Variants in SRGAP1 observed in about 807,000 individuals in gnomAD.
The protein encoded by SRGAP1 is SLIT-ROBO Rho GTPase activating protein 1, also known as SLIT-ROBO Rho GTPase-activating protein 1.
SRGAP1 carries 43 observed loss-of-function variants against 121.9 expected under a neutral mutation model. That is an observed-to-expected ratio of 0.35 (90% CI 0.28 to 0.46). The LOEUF (loss-of-function observed/expected upper bound fraction) is 0.46, where lower values mean the gene tolerates loss of function less well. Ranked by LOEUF, SRGAP1 falls within the 20% of genes least tolerant of loss-of-function variation. The pLI, the probability that SRGAP1 is intolerant of heterozygous loss-of-function variation, is 1.00. For missense variants in SRGAP1, 1,102 were observed against 1,350.9 expected (o/e 0.82, Z 2.89); for synonymous variants, 447 against 485.4 (o/e 0.92, Z 1.04).
chr12:63,861,302 A>T (rs76184015), intron 1 of SRGAP1, among the ~76,000 whole-genome samples: 8,031 of 132,502 alleles, frequency 0.061, 301 homozygotes, highest in Non-Finnish European at 0.082. Context: ...ATATATATAT[A>T]TTTTTTTTTT....
chr12:63,998,659 T>C (rs535603970), intron 3 of SRGAP1, among the ~76,000 whole-genome samples: 1 of 152,272 alleles, frequency 6.6e-6, no homozygotes, highest in Admixed American at 6.5e-5. Flanking sequence ...CTTGAGATAT[T>C]TGGAAATCCA....
At chr12:63,929,758 A>G (rs2031401333) in intron 1 of SRGAP1, among the ~76,000 whole-genome samples, 1 of 152,220 alleles carries the variant, frequency 6.6e-6, no homozygotes, top group African/African-American at 2.4e-5. Context: ...TTTGTTTTAG[A>G]GTAAACTGTT....
At chr12:63,964,363 C>T (rs138941084) in intron 1 of SRGAP1, among the ~76,000 whole-genome samples, 319 of 152,184 alleles carry the variant, frequency 2.1e-3, no homozygotes, top group Non-Finnish European at 3.4e-3. Context: ...GTTTTTGAAG[C>T]CTTTTGTCAT....
chr12:64,145,782 A>G lies in SRGAP1; in HGVS notation c.*3110A>G, dbSNP rs1370995455. On this transcript the variant is annotated 3_prime_UTR_variant, in exon 22 of 22. Transcript: ENST00000355086. ...TTCTTTATAGCCACAGAGGCAGCAC[A>G]CAGGGGAGGTGGGAAGACACAGGGA... The G allele has an allele frequency of 6.6e-6, 1 of 152,288 alleles. No individual in the cohort carries two copies. The highest frequency in any genetic ancestry group is 1.9e-4 in the East Asian group (1 of 5,186). 9.4% of individuals were successfully genotyped at this position (152,288 alleles called of 1,614,324 possible). A position where few individuals can be genotyped will look rare whatever the true frequency, so the allele number is the denominator to read the frequency against.
intron 1 of SRGAP1, among the ~76,000 whole-genome samples, chr12:63,978,278 T>C (rs2033144440): frequency 6.6e-6 from 1 of 152,368 alleles, no homozygotes; most frequent in African/African-American, 2.4e-5. Context: ...GCTTTTGGCA[T>C]ATGCCAGGTT....
At chr12:64,002,796 C>T (rs2033942640) in intron 3 of SRGAP1, among the ~76,000 whole-genome samples, 1 of 152,004 alleles carries the variant, frequency 6.6e-6, no homozygotes, top group East Asian at 1.9e-4. Flanking sequence ...AGATTGATTT[C>T]CTGATAGAAT....
At chr12:64,077,554 C>G (rs2035760772) in intron 8 of SRGAP1, among the ~76,000 whole-genome samples, 3 of 151,054 alleles carry the variant, frequency 2.0e-5, no homozygotes, top group South Asian at 4.2e-4. Flanking sequence ...GTTCTAAACT[C>G]TTTACATTGT....
intron 1 of SRGAP1, among the ~76,000 whole-genome samples, chr12:63,967,010 T>G (rs776072859): frequency 2.6e-5 from 4 of 152,254 alleles, no homozygotes; most frequent in Non-Finnish European, 4.4e-5. Context: ...TTTTGATAGG[T>G]TGGCTTTATC....
chr12:63,988,857 C>G (rs1466074429), intron 2 of SRGAP1, among the ~76,000 whole-genome samples: 5 of 152,238 alleles, frequency 3.3e-5, no homozygotes, highest in Middle Eastern at 3.2e-3. Context: ...GTCGCCCAGG[C>G]TGGAGTGCAG....
At chr12:63,953,869 A>G (rs1362138068) in intron 1 of SRGAP1, among the ~76,000 whole-genome samples, 1 of 152,196 alleles carries the variant, frequency 6.6e-6, no homozygotes, top group Non-Finnish European at 1.5e-5. Context: ...GTGGAAATAC[A>G]TTTGGAGAGC....
chr12:64,085,481 C>T (rs993747051), intron 10 of SRGAP1, among the ~76,000 whole-genome samples: 1 of 152,168 alleles, frequency 6.6e-6, no homozygotes, highest in African/African-American at 2.4e-5. Context: ...TCTTACGTGG[C>T]TCGTATGGAC....
At chr12:63,854,820 A>C (rs1271078194) in intron 1 of SRGAP1, among the ~76,000 whole-genome samples, 2 of 152,216 alleles carry the variant, frequency 1.3e-5, no homozygotes, top group African/African-American at 4.8e-5. Context: ...GTAATAGTGT[A>C]TAAAATGCTG....
At chr12:63,956,767 T>TA (rs2032487089) in intron 1 of SRGAP1, among the ~76,000 whole-genome samples, 1 of 129,236 alleles carries the variant, frequency 7.7e-6, no homozygotes, top group Non-Finnish European at 1.6e-5. Flanking sequence ...GATAGAGACA[T>TA]ACACTTTACT....
chr12:63,930,693 C>T (rs776770695), intron 1 of SRGAP1, among the ~76,000 whole-genome samples: 15 of 151,264 alleles, frequency 9.9e-5, no homozygotes, highest in African/African-American at 4.9e-5. Context: ...TTTTGGGGAG[C>T]GAGTGAGTGA....
At chr12:64,121,152 C>T (rs906623377) in intron 18 of SRGAP1, among the ~76,000 whole-genome samples, 2 of 151,662 alleles carry the variant, frequency 1.3e-5, no homozygotes, top group Admixed American at 6.6e-5. Context: ...TAACTGGGAC[C>T]ATAGGCATGC....
rs1052021138 is a variant in SRGAP1 at position 64,147,174 on chromosome 12, C to A, written c.*4502C>A. 22 of 251,760 alleles carry A rather than the reference C, an allele frequency of 8.7e-5. No individual in the cohort carries two copies. Among genetic ancestry groups the A allele is most frequent in the Middle Eastern group, 1.2e-3 (1 of 842 alleles). 15.6% of individuals were successfully genotyped at this position (251,760 alleles called of 1,614,324 possible). ...TACGTACTGAAGGGTAACTGCTGCC[C>A]GCGTAATTAAATCAGTATTGTCCTT... is the stretch of plus-strand genomic sequence containing the variant. On this transcript the variant is annotated 3_prime_UTR_variant, in exon 22 of 22. Transcript: ENST00000355086.
intron 8 of SRGAP1, among the ~76,000 whole-genome samples, chr12:64,067,047 TC>T: frequency 6.6e-6 from 1 of 151,640 alleles, no homozygotes; most frequent in Non-Finnish European, 1.5e-5. Context: ...AAAAAAAAGG[TC>T]TGGCCACTCT....
intron 18 of SRGAP1, among the ~76,000 whole-genome samples, chr12:64,117,075 T>C (rs1247833600): frequency 6.6e-6 from 1 of 151,726 alleles, no homozygotes; most frequent in East Asian, 1.9e-4. Context: ...TGGCCTGGAG[T>C]GGGAGAGCCT....
intron 1 of SRGAP1, among the ~76,000 whole-genome samples, chr12:63,845,094 G>T (rs555567231): frequency 1.3e-5 from 2 of 152,270 alleles, no homozygotes; most frequent in East Asian, 1.9e-4. Flanking sequence ...GAAACTGGGT[G>T]ACTTCCCCCG....
Sources: gnomAD v4.1 joint callset for allele counts (sites outside exome capture counted in the v4.1 genomes callset) on GRCh38, gnomAD v4.1.1 for gene constraint, MANE v1.5 for transcripts, NCBI Gene and HGNC (gene_info 2026-07-23, HGNC 2026-07-21) for gene names.